PCM1: variants seen among roughly 807,000 people sequenced by gnomAD.
PCM1 encodes the protein pericentriolar material 1.
A neutral mutation model predicts 241.9 loss-of-function variants in PCM1; 157 were observed. That is an observed-to-expected ratio of 0.65 (90% CI 0.57 to 0.74). The LOEUF (loss-of-function observed/expected upper bound fraction) is 0.74, where lower values mean the gene tolerates loss of function less well. Among genes scored for constraint, PCM1 ranks in the 30% least tolerant of loss-of-function variants. The probability of loss-of-function intolerance (pLI) is 0.00; values close to 1 mark genes in which losing one functional copy is unlikely to be tolerated. For missense variants in PCM1, 3,478 were observed against 2,360.1 expected, an observed-to-expected ratio of 1.47 and a Z score of -9.81; for synonymous variants, 1,085 against 784.9, an observed-to-expected ratio of 1.38 and a Z score of -6.39.
At chr8:17,929,722 C>T (rs1419186120) in intron 2 of PCM1, among the ~76,000 whole-genome samples, 1 of 152,108 alleles carries the variant, frequency 6.6e-6, no homozygotes, top group Non-Finnish European at 1.5e-5. Context: ...GGATACCTTC[C>T]AGAGACCCCC....
intron 23 of PCM1, among the ~76,000 whole-genome samples, chr8:17,976,758 G>T (rs1321283141): frequency 6.6e-6 from 1 of 151,746 alleles, no homozygotes; most frequent in African/African-American, 2.4e-5. Flanking sequence ...AAAGAGTGGT[G>T]AAGTGGCATA....
chr8:18,018,706 G>C (rs2093454316), intron 36 of PCM1, among the ~76,000 whole-genome samples: 1 of 151,286 alleles, frequency 6.6e-6, no homozygotes, highest in South Asian at 2.1e-4. Flanking sequence ...AGCTACTCAG[G>C]AGACTGAGGC....
chr8:18,016,972 T>C (rs934269628), intron 36 of PCM1, among the ~76,000 whole-genome samples: 2 of 152,196 alleles, frequency 1.3e-5, no homozygotes, highest in Admixed American at 6.5e-5. Context: ...CTGAGGAATG[T>C]AGATTTAGAA....
intron 34 of PCM1, among the ~76,000 whole-genome samples, chr8:18,012,317 G>A (rs937834548): frequency 1.3e-5 from 2 of 152,012 alleles, no homozygotes; most frequent in South Asian, 4.2e-4. Context: ...AGCCATCTAG[G>A]GTAGCAGATA....
chr8:17,992,882 G>T (rs1211743862), intron 28 of PCM1, among the ~76,000 whole-genome samples: 2 of 150,352 alleles, frequency 1.3e-5, no homozygotes, highest in Non-Finnish European at 2.9e-5. Context: ...CTCCCAATGT[G>T]CTGGGATTAC....
intron 23 of PCM1, among the ~76,000 whole-genome samples, chr8:17,975,233 C>G (rs2129473177): frequency 6.6e-6 from 1 of 152,194 alleles, no homozygotes; most frequent in South Asian, 2.1e-4. Flanking sequence ...AGGATTTTTA[C>G]TGTATCTTTA....
At chr8:17,966,552 A>G (rs1439627493) in intron 20 of PCM1, 79 bp downstream of exon 20, 1 of 1,296,230 alleles carries the variant, frequency 7.7e-7, no homozygotes, top group African/African-American at 1.5e-5. Flanking sequence ...TTCTGGGAGA[A>G]AAGAGCAAGA....
At chr8:17,965,909 G>T in intron 18 of PCM1, 90 bp from the exon 19 acceptor site, 2 of 770,410 alleles carry the variant, frequency 2.6e-6, no homozygotes, top group Non-Finnish European at 2.1e-6. Context: ...CAGAATATTG[G>T]CCCATAGGCC....
rs986613996 is a variant in PCM1, at chr8:17,937,129, T to A, written c.97-5T>A. ...ATGTTAATTTTTGCTTTTACTTTTT[T>A]AAAGGATTGGGGTGCCCAACAGAAG... On this transcript the variant is annotated splice_polypyrimidine_tract_variant and splice_region_variant and intron_variant, in intron 3 of 38. Coordinates refer to ENST00000325083, the MANE Select transcript of PCM1 (RefSeq NM_006197.4). 9 of 1,542,058 alleles carry A rather than the reference T, an allele frequency of 5.8e-6. No individual in the cohort carries two copies. The highest frequency in any genetic ancestry group is 4.9e-5 in the South Asian group (4 of 81,052).
At chr8:17,955,396 C>G in intron 9 of PCM1, 74 bp from the exon 10 acceptor site, 1 of 1,016,718 alleles carries the variant, frequency 9.8e-7, no homozygotes. Flanking sequence ...TTTTCAATAT[C>G]CAAGCCAACT....
At chr8:17,985,703 T>C in intron 25 of PCM1, 84 bp downstream of exon 25, 1 of 1,062,364 alleles carries the variant, frequency 9.4e-7, no homozygotes, top group Non-Finnish European at 1.4e-6. Flanking sequence ...GACTGAAGCA[T>C]GTGCCATATG....
At chr8:18,006,511 A>G (rs17514686) in intron 30 of PCM1, 114 bp downstream of exon 30, 27,807 of 673,320 alleles carry the variant, frequency 0.041, 752 homozygotes, top group Non-Finnish European at 0.054. Flanking sequence ...TGGACATCCA[A>G]TCTAGCGTCC....
chr8:17,942,928 C>T (rs1051267050), intron 6 of PCM1, among the ~76,000 whole-genome samples: 8 of 148,658 alleles, frequency 5.4e-5, no homozygotes, highest in Middle Eastern at 3.5e-3. Context: ...ACCCTGGAGG[C>T]GGAGGTTGCA....
At chr8:18,024,938 C>G (rs988626238) in intron 36 of PCM1, 4 of 153,488 alleles carry the variant, frequency 2.6e-5, no homozygotes, top group African/African-American at 9.6e-5. Flanking sequence ...TCACAAAAGA[C>G]AGTTACTAAA....
chr8:17,992,303 GT>G (rs1395315164), intron 28 of PCM1, among the ~76,000 whole-genome samples: 1 of 152,110 alleles, frequency 6.6e-6, no homozygotes, highest in Non-Finnish European at 1.5e-5. Context: ...ACTTTCAGTT[GT>G]TTAAGGAATC....
At chr8:17,985,861 T>C (rs1300844587) in intron 25 of PCM1, 98 bp from the exon 26 acceptor site, 2 of 885,054 alleles carry the variant, frequency 2.3e-6, no homozygotes, top group African/African-American at 1.7e-5. Context: ...AAACAGTACA[T>C]TTTTCCTTCC....
intron 36 of PCM1, among the ~76,000 whole-genome samples, chr8:18,024,749 A>G (rs1304215318): frequency 2.6e-5 from 4 of 152,186 alleles, no homozygotes; most frequent in Non-Finnish European, 5.9e-5. Flanking sequence ...GGGATCTACT[A>G]TTATATAAGT....
chr8:18,013,487 CTTAAACAGTT>C (rs2092764877), intron 34 of PCM1, among the ~76,000 whole-genome samples: 1 of 152,132 alleles, frequency 6.6e-6, no homozygotes, highest in African/African-American at 2.4e-5. Flanking sequence ...GCACATTTTC[CTTAAACAGTT>C]TTAAACAACT....
intron 24 of PCM1, among the ~76,000 whole-genome samples, chr8:17,981,513 A>G (rs748974263): frequency 2.6e-5 from 4 of 152,098 alleles, no homozygotes; most frequent in Non-Finnish European, 5.9e-5. Flanking sequence ...CTAATTTGTA[A>G]AGAGCATCTC....
Sources: allele counts gnomAD v4.1 joint callset (sites outside exome capture counted in the v4.1 genomes callset), GRCh38; gene constraint gnomAD v4.1.1; transcripts MANE v1.5; gene names NCBI Gene and HGNC (gene_info 2026-07-23, HGNC 2026-07-21).